The following UNC13B variants were observed in gnomAD, a reference collection of about 807,000 sequenced individuals.
UNC13B encodes the protein unc-13 homolog B.
UNC13B carries 144 observed loss-of-function variants against 211.0 expected under a neutral mutation model. The ratio of observed to expected loss-of-function variants is 0.68; its 90% CI spans 0.60 to 0.78. The LOEUF (loss-of-function observed/expected upper bound fraction) is 0.78. Ranked by LOEUF, UNC13B falls within the 30% of genes least tolerant of loss-of-function variation. UNC13B has a pLI of 0.00. For synonymous variants in UNC13B, 709 were observed against 725.8 expected, an observed-to-expected ratio of 0.98 and a Z score of 0.37; for missense variants, 1,777 against 2,002.0, an observed-to-expected ratio of 0.89 and a Z score of 2.14.
intron 2 of UNC13B, among the ~76,000 whole-genome samples, chr9:35,230,431 A>G (rs1825129283): frequency 6.8e-6 from 1 of 147,644 alleles, no homozygotes; most frequent in South Asian, 2.2e-4. Flanking sequence ...AGATCATGCC[A>G]CTGCACCCTG....
chr9:35,352,587 C>T, intron 11 of UNC13B: 1 of 1,232,176 alleles, frequency 8.1e-7, no homozygotes, highest in African/African-American at 1.5e-5. Context: ...ATAACAGGAA[C>T]ATATCAGATG....
At chr9:35,312,661 C>T (rs1011512982) in intron 10 of UNC13B, among the ~76,000 whole-genome samples, 2 of 152,200 alleles carry the variant, frequency 1.3e-5, no homozygotes, top group African/African-American at 2.4e-5. Flanking sequence ...GCATCAGAAA[C>T]GACCATATAT....
chr9:35,343,043 G>A (rs571706550), intron 11 of UNC13B, among the ~76,000 whole-genome samples: 13 of 152,290 alleles, frequency 8.5e-5, no homozygotes, highest in Admixed American at 7.2e-4. Context: ...GCACACATGC[G>A]CAATAGACAG....
At chr9:35,274,420 C>G (rs1474370794) in intron 7 of UNC13B, among the ~76,000 whole-genome samples, 1 of 152,094 alleles carries the variant, frequency 6.6e-6, no homozygotes, top group Non-Finnish European at 1.5e-5. Context: ...TAGATTAATC[C>G]ATGTTCCTAA....
At chr9:35,232,631 G>A (rs779665496) in intron 3 of UNC13B, among the ~76,000 whole-genome samples, 3 of 152,168 alleles carry the variant, frequency 2.0e-5, no homozygotes, top group Non-Finnish European at 2.9e-5. Context: ...GATGGGTTGG[G>A]TGGTATGCCA....
At chr9:35,360,321 T>TA (rs1833326865) in intron 11 of UNC13B, among the ~76,000 whole-genome samples, 1 of 152,240 alleles carries the variant, frequency 6.6e-6, no homozygotes, top group Non-Finnish European at 1.5e-5. Context: ...GAATGTCTGT[T>TA]AGGAATTTTG....
At position 35,231,183 on chromosome 9, in the gene UNC13B, G is replaced by T; in HGVS notation, c.116G>T (p.Arg39Leu). 5 of 1,613,440 alleles carry T rather than the reference G, an allele frequency of 3.1e-6. No individual in the cohort carries two copies. The South Asian group carries it at 4.4e-5, about 14-fold the overall frequency. Residue 39 changes from arginine (R) to leucine (L), a missense_variant, in exon 3 of 40, where the codon CGT (arginine) becomes CTT (leucine). Physicochemically the swap from Arg to Leu is moderately radical, Grantham distance 102 (BLOSUM62 -2). Transcript: ENST00000635942. ...GTGAAGAGCACAACTGTAGCAGTTC[G>T]TGGTGATCAGCCTTCCTGGGAACAG... ...QNVKSTTVAVRGDQPSWEQDF... is the reference protein window; with the variant it reads ...QNVKSTTVAVLGDQPSWEQDF...
chr9:35,294,883 A>T (rs963017078), intron 7 of UNC13B, among the ~76,000 whole-genome samples: 2 of 152,216 alleles, frequency 1.3e-5, no homozygotes, highest in African/African-American at 4.8e-5. Flanking sequence ...TAACAAAAAA[A>T]CTGTAGCCAG....
At position 35,229,937 on chromosome 9, in the gene UNC13B, G is replaced by C. The variant is rs1825102201; in HGVS notation, c.53-1183G>C. On this transcript the variant is annotated intron_variant, in intron 2 of 39. Transcript: ENST00000635942. The stretch of plus-strand genomic sequence containing the variant: ...ATTTGATGAGTCAAAGTGATAGTTT[G>C]CTATTTTTTCATTGTATAACATTAG... 6.6e-5 allele frequency among the ~76,000 whole-genome samples: 10 copies of C among 152,028 alleles called. 1 individual carries two copies. Among genetic ancestry groups the C allele is most frequent in the Admixed American group, 6.6e-4 (10 of 15,266 alleles).
At chr9:35,267,865 G>C (rs746726051) in intron 7 of UNC13B, among the ~76,000 whole-genome samples, 3 of 152,138 alleles carry the variant, frequency 2.0e-5, no homozygotes, top group Admixed American at 6.5e-5. Context: ...CTGTTACTTA[G>C]AGGCTTCTTG....
In UNC13B at chr9:35,302,645, A is replaced by C. The variant is rs1829743115; in HGVS notation, c.3241A>C (p.Ile1081Leu). 1 of 398,692 alleles carries C rather than the reference A, an allele frequency of 2.5e-6. No individual in the cohort carries two copies. The highest frequency in any genetic ancestry group is 3.6e-5 in the East Asian group (1 of 28,064). 24.7% of individuals were successfully genotyped at this position (398,692 alleles called of 1,614,324 possible). A position where few individuals can be genotyped will look rare whatever the true frequency, so the allele number is the denominator to read the frequency against. The change falls in exon 9 of 40, where the codon ATC becomes CTC. Residue 1081 changes from isoleucine (I) to leucine (L), a missense_variant. Transcript: ENST00000635942. ...GAATTTTGAAAGGGATGGCTTAGCC[A>C]TCCCTGGAGTTGTGCCCAAAGAACA... ...GQNFERDGLAIPGVVPKEHIT... is the reference protein window; with the variant it reads ...GQNFERDGLALPGVVPKEHIT...
intron 1 of UNC13B, among the ~76,000 whole-genome samples, chr9:35,177,898 A>G (rs1247642034): frequency 6.6e-6 from 1 of 152,246 alleles, no homozygotes; most frequent in Non-Finnish European, 1.5e-5. Context: ...ATTGTAGAAA[A>G]AGTCAAGTTT....
rs986975307 is a variant in UNC13B at position 35,218,702 on chromosome 9, G to C, written c.23-9313G>C. On this transcript the variant is annotated intron_variant, in intron 1 of 39. Coordinates refer to ENST00000635942, the MANE Select transcript of UNC13B (RefSeq NM_001371189.2). Reference sequence around the variant, plus strand: ...GTGAGCCACCGCGTCTGGTTAAGTGGTTAATTTAGAAATGTGCAGAGTTAA... The same window carrying C: ...GTGAGCCACCGCGTCTGGTTAAGTGCTTAATTTAGAAATGTGCAGAGTTAA... Among the ~76,000 whole-genome samples, 6 of 151,586 alleles carry C rather than the reference G, an allele frequency of 4.0e-5. No homozygotes were observed. The South Asian group carries it at 1.3e-3, about 32-fold the overall frequency.
Position 35,405,048 on chromosome 9 carries a change from C to T in UNC13B, c.*1015C>T, listed in dbSNP as rs146847191. 3.9e-5 allele frequency: 6 copies of T among 152,754 alleles called. No homozygotes were observed. The highest frequency in any genetic ancestry group is 3.9e-4 in the Admixed American group (6 of 15,304). 9.5% of individuals were successfully genotyped at this position (152,754 alleles called of 1,614,324 possible). On this transcript the variant is annotated 3_prime_UTR_variant, in exon 40 of 40. Coordinates refer to ENST00000635942, the MANE Select transcript of UNC13B (RefSeq NM_001371189.2). ...CTATAGAAGGAGCCTGGACTCTGATCCCTCTGTACAGGCTGGATGGAAGGG... is the reference window on the plus strand; with the variant it reads ...CTATAGAAGGAGCCTGGACTCTGATTCCTCTGTACAGGCTGGATGGAAGGG...
chr9:35,165,696 C>T (rs147191390), intron 1 of UNC13B, among the ~76,000 whole-genome samples: 1,749 of 152,206 alleles, frequency 0.011, 22 homozygotes, highest in African/African-American at 0.038. Flanking sequence ...GGATTACAGG[C>T]GTGAGCCACT....
intron 24 of UNC13B, among the ~76,000 whole-genome samples, chr9:35,388,919 A>G (rs1347527940): frequency 6.6e-6 from 1 of 152,232 alleles, no homozygotes; most frequent in Admixed American, 6.5e-5. Context: ...TTGAATGATA[A>G]GAGCCTGAGC....
intron 13 of UNC13B, among the ~76,000 whole-genome samples, chr9:35,374,599 C>G (rs1191666045): frequency 1.3e-5 from 2 of 152,234 alleles, no homozygotes; most frequent in Non-Finnish European, 2.9e-5. Context: ...CTTCAATGCC[C>G]TTTTCACTTG....
At chr9:35,218,390 G>A (rs1015768465) in intron 1 of UNC13B, among the ~76,000 whole-genome samples, 2 of 152,018 alleles carry the variant, frequency 1.3e-5, no homozygotes, top group Admixed American at 6.6e-5. Flanking sequence ...GATGAAAAAG[G>A]ATGTGTGGGT....
chr9:35,378,188 G>C (rs950072091), intron 16 of UNC13B, 107 bp from the exon 17 acceptor site: 1 of 1,423,714 alleles, frequency 7.0e-7, no homozygotes, highest in Non-Finnish European at 9.5e-7. Flanking sequence ...TGGGATTACG[G>C]TATCTGTGCA....
Sources: allele counts gnomAD v4.1 joint callset (sites outside exome capture counted in the v4.1 genomes callset), GRCh38; gene constraint gnomAD v4.1.1; transcripts MANE v1.5; gene names NCBI Gene and HGNC (gene_info 2026-07-23, HGNC 2026-07-21).